Variants in TMEM132D observed in about 807,000 individuals in gnomAD.
TMEM132D encodes transmembrane protein 132D.
Under a neutral mutation model 62.3 loss-of-function variants are expected in TMEM132D, and 21 were observed. The ratio of observed to expected loss-of-function variants is 0.34; its 90% CI spans 0.24 to 0.49. The LOEUF (loss-of-function observed/expected upper bound fraction) is 0.49, where lower values mean the gene tolerates loss of function less well. TMEM132D is among the 20% of genes least tolerant of loss of function. The pLI is 0.99. For missense variants in TMEM132D, 1,346 were observed against 1,402.8 expected (o/e 0.96, Z 0.65); for synonymous variants, 621 against 575.6 (o/e 1.08, Z -1.13).
intron 4 of TMEM132D, among the ~76,000 whole-genome samples, chr12:129,219,570 C>A (rs189709526): frequency 1.2e-4 from 18 of 152,272 alleles, no homozygotes; most frequent in African/African-American, 4.1e-4. Context: ...GAGAGAAATT[C>A]CCCATGATAA....
chr12:129,473,324 G>GGTTTTT (rs765814219), intron 3 of TMEM132D, among the ~76,000 whole-genome samples: 1 of 81,550 alleles, frequency 1.2e-5, no homozygotes, highest in African/African-American at 4.8e-5. Flanking sequence ...TTTAGTTTTT[G>GGTTTTT]TTTTTTTTTT....
intron 5 of TMEM132D, among the ~76,000 whole-genome samples, chr12:129,140,961 T>C (rs1876723335): frequency 6.6e-6 from 1 of 152,180 alleles, no homozygotes; most frequent in Non-Finnish European, 1.5e-5. Flanking sequence ...TAACTGTCCC[T>C]CAGTTATTGG....
chr12:129,255,372 C>T (rs1021437525), intron 4 of TMEM132D, among the ~76,000 whole-genome samples: 5 of 152,122 alleles, frequency 3.3e-5, no homozygotes, highest in African/African-American at 1.2e-4. Flanking sequence ...TGATTATTTC[C>T]TTTTACTGAT....
intron 3 of TMEM132D, among the ~76,000 whole-genome samples, chr12:129,473,017 A>C (rs1874139344): frequency 6.6e-6 from 1 of 152,054 alleles, no homozygotes; most frequent in Non-Finnish European, 1.5e-5. Flanking sequence ...GGCATGTGCC[A>C]CCACGCCCGG....
intron 5 of TMEM132D, among the ~76,000 whole-genome samples, chr12:129,140,410 TC>T (rs1396827864): frequency 6.6e-6 from 1 of 152,168 alleles, no homozygotes; most frequent in Non-Finnish European, 1.5e-5. Context: ...CTGAGCTTGG[TC>T]CCCTCCCCAA....
At chr12:129,181,635 A>G (rs944738162) in intron 5 of TMEM132D, among the ~76,000 whole-genome samples, 6 of 152,076 alleles carry the variant, frequency 3.9e-5, no homozygotes, top group African/African-American at 1.4e-4. Flanking sequence ...GCCCCACCCC[A>G]GCTCGAGACA....
At chr12:129,547,990 C>T (rs1876786319) in intron 2 of TMEM132D, among the ~76,000 whole-genome samples, 1 of 152,044 alleles carries the variant, frequency 6.6e-6, no homozygotes, top group South Asian at 2.1e-4. Context: ...CAATTTGTGC[C>T]CTATTTCCCG....
chr12:129,801,913 C>A (rs369807871), intron 1 of TMEM132D, among the ~76,000 whole-genome samples: 1 of 151,430 alleles, frequency 6.6e-6, no homozygotes, highest in East Asian at 1.9e-4. Context: ...GGAGCCGATG[C>A]GATCAACTGG....
At chr12:129,633,410 A>T (rs371981778) in intron 2 of TMEM132D, among the ~76,000 whole-genome samples, 115 of 152,212 alleles carry the variant, frequency 7.6e-4, no homozygotes, top group African/African-American at 2.8e-3. Flanking sequence ...AAAACCCATT[A>T]CAGCTTTCTT....
intron 1 of TMEM132D, among the ~76,000 whole-genome samples, chr12:129,879,544 T>C (rs534477281): frequency 1.7e-4 from 26 of 152,170 alleles, no homozygotes; most frequent in Non-Finnish European, 3.2e-4. Flanking sequence ...AATGGCTCAG[T>C]TGCAGCAGGA....
intron 5 of TMEM132D, among the ~76,000 whole-genome samples, chr12:129,154,603 T>C (rs1298086115): frequency 6.6e-6 from 1 of 152,230 alleles, no homozygotes; most frequent in Non-Finnish European, 1.5e-5. Context: ...ACGATGATAC[T>C]TATATTCCAA....
At chr12:129,526,439 C>T (rs1301272717) in intron 3 of TMEM132D, among the ~76,000 whole-genome samples, 1 of 152,110 alleles carries the variant, frequency 6.6e-6, no homozygotes, top group Non-Finnish European at 1.5e-5. Context: ...CATGCACCAC[C>T]ATGCCCAGCT....
chr12:129,755,804 A>G (rs1465448393), intron 1 of TMEM132D, among the ~76,000 whole-genome samples: 1 of 152,202 alleles, frequency 6.6e-6, no homozygotes, highest in East Asian at 1.9e-4. Context: ...TGTCCCAAGC[A>G]CCGGTAAAAC....
rs545615420 is a variant in TMEM132D at position 129,227,719 on chromosome 12, G to C, written c.1300-18056C>G. ...ACCCATTAACTCATCATTTACATTA[G>C]GTATATCTCCTAATGCTATCCCTCC... On this transcript the variant is annotated intron_variant, in intron 4 of 8. Coordinates refer to ENST00000422113, the MANE Select transcript of TMEM132D (RefSeq NM_133448.3). Among the ~76,000 whole-genome samples, 107 of 151,852 alleles carry C rather than the reference G, an allele frequency of 7.0e-4. 2 individuals are homozygous for C. In the South Asian group the frequency reaches 0.022, roughly 31 times the overall value.
chr12:129,155,589 G>T (rs115834466), intron 5 of TMEM132D, among the ~76,000 whole-genome samples: 131 of 152,306 alleles, frequency 8.6e-4, no homozygotes, highest in African/African-American at 3.0e-3. Context: ...TCTTGAGGCT[G>T]GGAAGCCCAA....
chr12:129,292,217 C>G (rs1183127787), intron 4 of TMEM132D, among the ~76,000 whole-genome samples: 1 of 152,124 alleles, frequency 6.6e-6, no homozygotes, highest in East Asian at 1.9e-4. Context: ...CTAAGTCTTC[C>G]TTTTTGTTAC....
At chr12:129,227,995 C>T (rs1176588494) in intron 4 of TMEM132D, among the ~76,000 whole-genome samples, 1 of 152,138 alleles carries the variant, frequency 6.6e-6, no homozygotes, top group African/African-American at 2.4e-5. Flanking sequence ...AAATGTGAGG[C>T]TAAGGCTGCC....
At chr12:129,836,817 C>A (rs1176681904) in intron 1 of TMEM132D, among the ~76,000 whole-genome samples, 3 of 152,100 alleles carry the variant, frequency 2.0e-5, no homozygotes, top group Non-Finnish European at 2.9e-5. Context: ...CAGTCTGAGG[C>A]AACGATTATT....
intron 2 of TMEM132D, among the ~76,000 whole-genome samples, chr12:129,619,308 T>C (rs914845319): frequency 1.2e-4 from 19 of 152,276 alleles, no homozygotes; most frequent in South Asian, 2.1e-4. Flanking sequence ...AGGAAGAGAA[T>C]CGATCTGCAT....
Sources: gnomAD v4.1 joint callset for allele counts (sites outside exome capture counted in the v4.1 genomes callset) on GRCh38, gnomAD v4.1.1 for gene constraint, MANE v1.5 for transcripts, NCBI Gene and HGNC (gene_info 2026-07-23, HGNC 2026-07-21) for gene names.